RBFOX1: variants seen among roughly 807,000 people sequenced by gnomAD.
RBFOX1 encodes RNA binding fox-1 homolog 1, also known as RNA binding protein fox-1 homolog 1.
RBFOX1 carries 8 observed loss-of-function variants against 57.7 expected under a neutral mutation model. The observed-to-expected ratio is 0.14, with a 90% CI of 0.08 to 0.25. The LOEUF (loss-of-function observed/expected upper bound fraction) is 0.25. Among genes scored for constraint, RBFOX1 ranks in the 10% least tolerant of loss-of-function variants. RBFOX1 has a pLI of 1.00. For synonymous variants in RBFOX1, 326 were observed against 222.4 expected (o/e 1.47, Z -4.15); for missense variants, 611 against 548.5 (o/e 1.11, Z -1.14).
At chr16:6,431,059 G>C (rs955014694) in intron 2 of RBFOX1, among the ~76,000 whole-genome samples, 1 of 151,960 alleles carries the variant, frequency 6.6e-6, no homozygotes, top group African/African-American at 2.4e-5. Context: ...GATTGCCTGA[G>C]CCCAGGAGTT....
chr16:6,080,336 A>C (rs2152505192), intron 1 of RBFOX1, among the ~76,000 whole-genome samples: 1 of 152,116 alleles, frequency 6.6e-6, no homozygotes, highest in South Asian at 2.1e-4. Flanking sequence ...GGTATCTCTG[A>C]CCTTCAGGGT....
intron 1 of RBFOX1, among the ~76,000 whole-genome samples, chr16:5,339,530 C>T (rs191032381): frequency 1.1e-3 from 132 of 116,386 alleles, no homozygotes; most frequent in African/African-American, 3.2e-3. Flanking sequence ...TCACTCAGGC[C>T]GGAATGCAGT....
chr16:6,477,777 C>G (rs977606586), intron 2 of RBFOX1, among the ~76,000 whole-genome samples: 1 of 152,322 alleles, frequency 6.6e-6, no homozygotes. Context: ...ACTGTTTTGT[C>G]TACACTGAAA....
At chr16:6,062,834 T>A (rs2095706649) in intron 1 of RBFOX1, among the ~76,000 whole-genome samples, 1 of 152,108 alleles carries the variant, frequency 6.6e-6, no homozygotes, top group Non-Finnish European at 1.5e-5. Context: ...TAGGGCAGAT[T>A]AGCAGGCTGG....
chr16:7,208,418 G>C (rs930918220), intron 4 of RBFOX1, among the ~76,000 whole-genome samples: 4 of 152,180 alleles, frequency 2.6e-5, no homozygotes, highest in African/African-American at 9.7e-5. Flanking sequence ...ACCAGCATCT[G>C]CTTCCGGTGA....
intron 3 of RBFOX1, among the ~76,000 whole-genome samples, chr16:6,964,180 G>C (rs1290082190): frequency 2.0e-5 from 3 of 151,952 alleles, no homozygotes; most frequent in Non-Finnish European, 4.4e-5. Context: ...AACATGCCTG[G>C]CTAATTTTTG....
At chr16:6,225,496 T>C (rs753457848) in intron 1 of RBFOX1, among the ~76,000 whole-genome samples, 40 of 152,192 alleles carry the variant, frequency 2.6e-4, no homozygotes, top group Non-Finnish European at 4.7e-4. Flanking sequence ...GAGATTTTTA[T>C]ATTAGATAAC....
intron 3 of RBFOX1, among the ~76,000 whole-genome samples, chr16:6,791,428 C>T (rs189856579): frequency 5.8e-4 from 88 of 152,228 alleles, no homozygotes; most frequent in African/African-American, 2.0e-3. Context: ...TTCAGGGCCC[C>T]TTCCTAAAAA....
intron 2 of RBFOX1, among the ~76,000 whole-genome samples, chr16:5,530,372 T>C (rs2044418452): frequency 6.6e-6 from 1 of 152,144 alleles, no homozygotes; most frequent in South Asian, 2.1e-4. Flanking sequence ...GGATACAGAA[T>C]CAGGGTTCAG....
intron 2 of RBFOX1, among the ~76,000 whole-genome samples, chr16:6,578,344 TC>T (rs1177291078): frequency 2.6e-5 from 4 of 152,134 alleles, no homozygotes; most frequent in African/African-American, 9.7e-5. Context: ...CGAAGCAATG[TC>T]CCCGGGACAC....
At chr16:6,542,232 T>C (rs934096593) in intron 2 of RBFOX1, among the ~76,000 whole-genome samples, 1 of 151,974 alleles carries the variant, frequency 6.6e-6, no homozygotes, top group Admixed American at 6.5e-5. Context: ...CACCAACATC[T>C]ATTTTAAAAA....
In RBFOX1 at chr16:7,049,707, T is replaced by A. The variant is rs570593245; in HGVS notation, c.-15-2350T>A. Among the ~76,000 whole-genome samples, 92 of 152,246 alleles carry A rather than the reference T, an allele frequency of 6.0e-4. 1 individual carries two copies. The highest frequency in any genetic ancestry group is 8.4e-4 in the Non-Finnish European group (57 of 68,026). ...TTTGTTCCCCCCTCCACTTGCTGCT[T>A]TTTAATTTTCAGAGATCTCAAATAG... On this transcript the variant is annotated intron_variant, in intron 3 of 15. Transcript: ENST00000550418.
chr16:7,405,582 A>G (rs1400072543), intron 4 of RBFOX1, among the ~76,000 whole-genome samples: 4 of 152,146 alleles, frequency 2.6e-5, no homozygotes, highest in African/African-American at 9.7e-5. Context: ...TCACATTTCA[A>G]ATAAACACAT....
chr16:7,010,537 CT>C (rs57373603), intron 3 of RBFOX1, among the ~76,000 whole-genome samples: 17 of 147,932 alleles, frequency 1.1e-4, no homozygotes, highest in Middle Eastern at 3.5e-3. Flanking sequence ...CACATCTCCC[CT>C]TTTTTTTTTG....
intron 2 of RBFOX1, among the ~76,000 whole-genome samples, chr16:6,648,150 A>G (rs1189315509): frequency 1.3e-5 from 2 of 150,858 alleles, no homozygotes; most frequent in Non-Finnish European, 3.0e-5. Flanking sequence ...GCTTCAAGTG[A>G]TCCTTCCATT....
chr16:6,146,092 G>T (rs957259573), intron 1 of RBFOX1, among the ~76,000 whole-genome samples: 1 of 152,096 alleles, frequency 6.6e-6, no homozygotes, highest in Admixed American at 6.6e-5. Context: ...TCTAACTATG[G>T]TGCTTACGTA....
intron 3 of RBFOX1, among the ~76,000 whole-genome samples, chr16:6,913,317 A>G (rs1215414942): frequency 6.6e-6 from 1 of 152,130 alleles, no homozygotes; most frequent in African/African-American, 2.4e-5. Context: ...CAAAAGATTC[A>G]ACTGGGGATA....
chr16:6,023,440 T>G (rs1287763310), intron 1 of RBFOX1, among the ~76,000 whole-genome samples: 1 of 152,242 alleles, frequency 6.6e-6, no homozygotes, highest in East Asian at 1.9e-4. Flanking sequence ...ATATTTTTTG[T>G]ATCCAGAAAA....
intron 4 of RBFOX1, among the ~76,000 whole-genome samples, chr16:6,008,980 C>G (rs1022529536): frequency 1.3e-5 from 2 of 152,084 alleles, no homozygotes; most frequent in Admixed American, 6.6e-5. Flanking sequence ...GTTGGCTACC[C>G]CTTCTTTTAT....
Sources: allele counts gnomAD v4.1 joint callset (sites outside exome capture counted in the v4.1 genomes callset), GRCh38; gene constraint gnomAD v4.1.1; transcripts MANE v1.5; gene names NCBI Gene and HGNC (gene_info 2026-07-23, HGNC 2026-07-21).